Variants in UBR3 observed in about 807,000 individuals in gnomAD.
UBR3 encodes ubiquitin protein ligase E3 component n-recognin 3.
Under a neutral mutation model 243.2 loss-of-function variants are expected in UBR3, and 85 were observed. The ratio of observed to expected loss-of-function variants is 0.35; its 90% CI spans 0.29 to 0.42. UBR3 has a LOEUF of 0.42. Among genes scored for constraint, UBR3 ranks in the 10% least tolerant of loss-of-function variants. The probability of loss-of-function intolerance (pLI) is 1.00; values close to 1 mark genes in which losing one functional copy is unlikely to be tolerated. For synonymous variants in UBR3, 748 were observed against 799.8 expected, an observed-to-expected ratio of 0.94 and a Z score of 1.09; for missense variants, 1,686 against 2,300.8, an observed-to-expected ratio of 0.73 and a Z score of 5.47.
chr2:169,899,650 C>T (rs2105329889), intron 8 of UBR3, among the ~76,000 whole-genome samples: 1 of 152,180 alleles, frequency 6.6e-6, no homozygotes, highest in African/African-American at 2.4e-5. Flanking sequence ...TAATGCTGTT[C>T]CTCCCCCCGC....
At chr2:170,065,073 C>A (rs1265006746) in intron 35 of UBR3, among the ~76,000 whole-genome samples, 1 of 151,898 alleles carries the variant, frequency 6.6e-6, no homozygotes, top group African/African-American at 2.4e-5. Context: ...GAACTCTGGA[C>A]CTCAGGCGAT....
At chr2:170,058,849 G>T (rs1395353798) in intron 33 of UBR3, among the ~76,000 whole-genome samples, 1 of 152,132 alleles carries the variant, frequency 6.6e-6, no homozygotes, top group African/African-American at 2.4e-5. Flanking sequence ...TCCTTGGATA[G>T]GTTTTGTTGT....
At chr2:170,015,469 T>C in intron 30 of UBR3, 103 bp downstream of exon 30, 1 of 790,974 alleles carries the variant, frequency 1.3e-6, no homozygotes, top group Admixed American at 2.5e-5. Flanking sequence ...GTCTGTTATA[T>C]ATGATCTATT....
intron 32 of UBR3, among the ~76,000 whole-genome samples, chr2:170,044,735 C>G (rs1381222706): frequency 6.6e-6 from 1 of 152,164 alleles, no homozygotes; most frequent in East Asian, 1.9e-4. Context: ...CCGGACACTT[C>G]TACTTCACAG....
intron 35 of UBR3, 152 bp downstream of exon 35, chr2:170,061,595 G>C: frequency 1.1e-6 from 1 of 924,008 alleles, no homozygotes; most frequent in South Asian, 1.7e-5. Flanking sequence ...AGCCCCTCTA[G>C]TAACTGGGAT....
chr2:169,854,072 G>C (rs1451537997), intron 1 of UBR3, among the ~76,000 whole-genome samples: 7 of 152,156 alleles, frequency 4.6e-5, no homozygotes, highest in African/African-American at 1.7e-4. Flanking sequence ...TAATGCATGC[G>C]GGGCTTAAAA....
intron 33 of UBR3, among the ~76,000 whole-genome samples, chr2:170,059,385 G>A (rs1165670022): frequency 6.6e-6 from 1 of 152,132 alleles, no homozygotes; most frequent in African/African-American, 2.4e-5. Context: ...AATTTAGGAA[G>A]CTTTTAGACT....
intron 30 of UBR3, among the ~76,000 whole-genome samples, chr2:170,015,965 T>A (rs1215428897): frequency 1.3e-5 from 2 of 151,876 alleles, no homozygotes; most frequent in Non-Finnish European, 3.0e-5. Flanking sequence ...AGAATTAATG[T>A]GCATAGTAGG....
intron 23 of UBR3, among the ~76,000 whole-genome samples, chr2:169,952,271 G>T (rs2087067845): frequency 6.6e-6 from 1 of 152,164 alleles, no homozygotes; most frequent in Non-Finnish European, 1.5e-5. Flanking sequence ...CATTAGAGAA[G>T]TCACAAGAGG....
intron 1 of UBR3, among the ~76,000 whole-genome samples, chr2:169,864,304 T>C (rs1340047295): frequency 6.6e-6 from 1 of 152,184 alleles, no homozygotes; most frequent in East Asian, 1.9e-4. Flanking sequence ...ATTTCCATAT[T>C]CTTGTTTCTC....
intron 10 of UBR3, among the ~76,000 whole-genome samples, chr2:169,908,760 A>C (rs899093749): frequency 2.7e-5 from 4 of 149,894 alleles, no homozygotes; most frequent in African/African-American, 9.8e-5. Context: ...AATTGGGGTT[A>C]GTGTTTGTCG....
In UBR3 at chr2:170,007,129, A is replaced by G. The variant is rs1056186210; in HGVS notation, c.4169A>G (p.Lys1390Arg). 9.3e-6 allele frequency: 15 copies of G among 1,613,338 alleles called. No individual in the cohort carries two copies. Among genetic ancestry groups the G allele is most frequent in the East Asian group, 2.2e-5 (1 of 44,822 alleles). ...ENNPWQRPSNKSIQDLIKEVE... is the reference protein window; with the variant it reads ...ENNPWQRPSNRSIQDLIKEVE... ...AACCCTTGGCAACGTCCTAGCAACA[A>G]AAGCATACAAGATCTCATAAAGGAA... is the stretch of plus-strand genomic sequence containing the variant. Residue 1390 changes from lysine (K) to arginine (R), a missense_variant, in exon 28 of 39, where the codon AAA becomes AGA. Around this residue, in one of 8 missense-constraint regions of UBR3, gnomAD observed 371 missense variants for 422.5 expected, o/e 0.88. Transcript: ENST00000272793.
At chr2:170,010,529 T>A (rs543733809) in intron 29 of UBR3, among the ~76,000 whole-genome samples, 1 of 152,314 alleles carries the variant, frequency 6.6e-6, no homozygotes, top group African/African-American at 2.4e-5. Flanking sequence ...AAGTTTTAGA[T>A]CCTTATTTCT....
intron 1 of UBR3, among the ~76,000 whole-genome samples, chr2:169,829,604 T>C (rs1273432284): frequency 6.6e-6 from 1 of 151,934 alleles, no homozygotes; most frequent in Non-Finnish European, 1.5e-5. Flanking sequence ...TGTATTTTTT[T>C]AGTAGAGACA....
At chr2:170,019,733 T>G (rs965823941) in intron 30 of UBR3, among the ~76,000 whole-genome samples, 1 of 152,106 alleles carries the variant, frequency 6.6e-6, no homozygotes, top group African/African-American at 2.4e-5. Flanking sequence ...TCCCTACAGT[T>G]AGGGAGCATA....
chr2:169,899,694 C>T (rs1344296354), intron 8 of UBR3, among the ~76,000 whole-genome samples: 1 of 152,062 alleles, frequency 6.6e-6, no homozygotes, highest in Middle Eastern at 3.2e-3. Flanking sequence ...TGTCCGCCTC[C>T]CTGTGTCCAT....
chr2:169,910,979 C>A (rs564156329), intron 10 of UBR3, among the ~76,000 whole-genome samples: 1 of 152,210 alleles, frequency 6.6e-6, no homozygotes, highest in African/African-American at 2.4e-5. Context: ...TGTTATTTCT[C>A]TGTTTAAATT....
intron 32 of UBR3, among the ~76,000 whole-genome samples, chr2:170,053,737 T>G (rs1338657072): frequency 6.6e-6 from 1 of 152,222 alleles, no homozygotes; most frequent in African/African-American, 2.4e-5. Context: ...GACTTGGTGA[T>G]TATTTTAATG....
At chr2:169,976,341 C>T (rs1043512374) in intron 24 of UBR3, among the ~76,000 whole-genome samples, 2 of 151,216 alleles carry the variant, frequency 1.3e-5, no homozygotes, top group Non-Finnish European at 2.9e-5. Context: ...TGTATCTGGT[C>T]TGCCAGTGAG....
Sources: allele counts gnomAD v4.1 joint callset (sites outside exome capture counted in the v4.1 genomes callset), GRCh38; gene constraint gnomAD v4.1.1; regional missense constraint gnomAD v4.1.1; transcripts MANE v1.5; gene names NCBI Gene and HGNC (gene_info 2026-07-23, HGNC 2026-07-21).